ATP8A2: variants seen among roughly 807,000 people sequenced by gnomAD.
ATP8A2 encodes phospholipid-transporting ATPase IB.
A neutral mutation model predicts 165.6 loss-of-function variants in ATP8A2; 100 were observed. The observed-to-expected ratio is 0.60, with a 90% CI of 0.51 to 0.71. ATP8A2 has a LOEUF of 0.71. ATP8A2 is among the 30% of genes least tolerant of loss of function. The pLI, the probability that ATP8A2 is intolerant of heterozygous loss-of-function variation, is 0.00. For synonymous variants in ATP8A2, 543 were observed against 548.8 expected (o/e 0.99, Z 0.15); for missense variants, 1,227 against 1,479.5 (o/e 0.83, Z 2.80).
At chr13:25,395,497 C>T (rs1328919735) in intron 1 of ATP8A2, among the ~76,000 whole-genome samples, 2 of 152,048 alleles carry the variant, frequency 1.3e-5, no homozygotes, top group Non-Finnish European at 2.9e-5. Context: ...TGGGAGCCTT[C>T]AGAATAAAGA....
intron 1 of ATP8A2, among the ~76,000 whole-genome samples, chr13:25,378,119 GA>G (rs963698828): frequency 2.9e-4 from 41 of 143,076 alleles, no homozygotes; most frequent in East Asian, 1.0e-3. Flanking sequence ...TTCCTCTAAA[GA>G]AAAAAAAAAA....
intron 35 of ATP8A2, among the ~76,000 whole-genome samples, chr13:25,983,216 A>G (rs780448458): frequency 1.3e-5 from 2 of 152,210 alleles, no homozygotes; most frequent in African/African-American, 2.4e-5. Flanking sequence ...ATAATTTTAC[A>G]TTCCTAAAAC....
intron 24 of ATP8A2, among the ~76,000 whole-genome samples, chr13:25,690,746 G>A (rs1045329525): frequency 6.6e-6 from 1 of 152,160 alleles, no homozygotes; most frequent in Non-Finnish European, 1.5e-5. Context: ...AGTGACTCAG[G>A]CACTTTGGAA....
Position 25,398,884 on chromosome 13 carries a change from G to T in ATP8A2, c.76+26596G>T, listed in dbSNP as rs895662610. Among the ~76,000 whole-genome samples the T allele has an allele frequency of 4.7e-5, 7 of 148,426 alleles. No homozygotes were observed. The Admixed American group carries it at 4.8e-4, about 10-fold the overall frequency. On this transcript the variant is annotated intron_variant, in intron 1 of 36. Transcript: ENST00000381655. ...AAAAGGGTGCTGTCTGCCGTAAAAT[G>T]TTCATCCATAACTGAAGTAATGCAT...
chr13:25,927,197 G>T (rs761844251), intron 33 of ATP8A2: 2 of 456,646 alleles, frequency 4.4e-6, no homozygotes, highest in East Asian at 1.4e-4. Context: ...CCTGTGCCCC[G>T]GAGCCCCACT....
At chr13:25,564,361 C>T (rs776612108) in intron 16 of ATP8A2, among the ~76,000 whole-genome samples, 2 of 152,052 alleles carry the variant, frequency 1.3e-5, no homozygotes, top group Non-Finnish European at 2.9e-5. Context: ...TCTAAGAGGC[C>T]AAGTGTAATT....
At chr13:25,512,405 C>G (rs1023986500) in intron 2 of ATP8A2, among the ~76,000 whole-genome samples, 1 of 152,122 alleles carries the variant, frequency 6.6e-6, no homozygotes, top group South Asian at 2.1e-4. Context: ...GTACACCTCC[C>G]AGACGGGGTG....
chr13:25,537,582 CA>C (rs969449466), intron 6 of ATP8A2, among the ~76,000 whole-genome samples: 35 of 152,248 alleles, frequency 2.3e-4, no homozygotes, highest in African/African-American at 8.2e-4. Context: ...CACAGCTCAT[CA>C]GGGGTGCAGT....
chr13:25,751,919 T>G (rs1324484204), intron 25 of ATP8A2, among the ~76,000 whole-genome samples: 1 of 150,370 alleles, frequency 6.7e-6, no homozygotes, highest in African/African-American at 2.5e-5. Context: ...ACATCTAGTA[T>G]GTGTCTAAAA....
At position 25,958,301 on chromosome 13, in the gene ATP8A2, TA is replaced by T. The variant is rs369653808; in HGVS notation, c.3184-3262del. 1.9e-4 allele frequency among the ~76,000 whole-genome samples: 29 copies of T among 150,214 alleles called. No homozygotes were observed. The East Asian group carries it at 2.6e-3, about 13-fold the overall frequency. ...GTATCCCAGAACTTAAGGTATAATT[TA>T]AAAAAAAAAAATTAACCTTTTCTAG... On this transcript the variant is annotated intron_variant, in intron 33 of 36. Coordinates refer to ENST00000381655, the MANE Select transcript of ATP8A2 (RefSeq NM_016529.6).
chr13:25,889,245 C>CATATATATATATATATATATATATAT lies in ATP8A2; in HGVS notation c.3183+26841_3183+26866dup, dbSNP rs200723564. Among the ~76,000 whole-genome samples the CATATATATATATATATATATATATAT allele has an allele frequency of 4.9e-4, 54 of 109,910 alleles. 1 individual carries two copies. The highest frequency in any genetic ancestry group is 8.1e-4 in the Admixed American group (8 of 9,902). 72.1% of individuals were successfully genotyped at this position (109,910 alleles called of 152,430 possible). A position where few individuals can be genotyped will look rare whatever the true frequency, so the allele number is the denominator to read the frequency against. ...TTAAATTTGTTTGCTCATCCTTTGT[C>CATATATATATATATATATATATATAT]ATATATATATATATATATATATATA... On this transcript the variant is annotated intron_variant, in intron 33 of 36. Coordinates refer to ENST00000381655, the MANE Select transcript of ATP8A2 (RefSeq NM_016529.6).
At chr13:25,393,082 C>T (rs188030459) in intron 1 of ATP8A2, among the ~76,000 whole-genome samples, 1 of 151,278 alleles carries the variant, frequency 6.6e-6, no homozygotes, top group African/African-American at 2.4e-5. Flanking sequence ...ATCTGTACCA[C>T]TTTTTAGTTC....
chr13:25,783,690 G>T (rs953094482), intron 27 of ATP8A2, among the ~76,000 whole-genome samples: 1 of 152,132 alleles, frequency 6.6e-6, no homozygotes, highest in Non-Finnish European at 1.5e-5. Context: ...GGGGTGGGAG[G>T]AGAGGGTCAG....
intron 24 of ATP8A2, among the ~76,000 whole-genome samples, chr13:25,608,882 C>T (rs1201539666): frequency 6.6e-6 from 1 of 152,138 alleles, no homozygotes; most frequent in Non-Finnish European, 1.5e-5. Context: ...TCAAAAAGGT[C>T]ATCATACAAA....
intron 24 of ATP8A2, among the ~76,000 whole-genome samples, chr13:25,629,390 TTTC>T (rs1427775017): frequency 3.9e-5 from 6 of 152,178 alleles, no homozygotes; most frequent in African/African-American, 1.4e-4. Context: ...TTAAGTCTAT[TTTC>T]TTGGTATGAA....
intron 33 of ATP8A2, among the ~76,000 whole-genome samples, chr13:25,892,401 C>T (rs1392615013): frequency 1.3e-5 from 2 of 151,728 alleles, no homozygotes; most frequent in African/African-American, 4.9e-5. Context: ...GTGGAATTTA[C>T]TTGATGCCTG....
intron 24 of ATP8A2, among the ~76,000 whole-genome samples, chr13:25,689,381 T>G (rs79906891): frequency 2.5e-3 from 377 of 152,310 alleles, no homozygotes; most frequent in African/African-American, 8.8e-3. Flanking sequence ...TTTGGTAAAA[T>G]TTACCTGATA....
Position 25,887,499 on chromosome 13 carries a change from C to T in ATP8A2, c.3183+25091C>T, listed in dbSNP as rs149624987. ...GATTACAGGCGTCGGCCACCATGCCCGGCTAATTTTTGTGTTTTTAGTAGA... is the reference window on the plus strand; with the variant it reads ...GATTACAGGCGTCGGCCACCATGCCTGGCTAATTTTTGTGTTTTTAGTAGA... On this transcript the variant is annotated intron_variant, in intron 33 of 36. Transcript: ENST00000381655. 2.1e-3 allele frequency among the ~76,000 whole-genome samples: 323 copies of T among 152,158 alleles called. 2 individuals carry two copies. Among genetic ancestry groups the T allele is most frequent in the African/African-American group, 7.3e-3 (303 of 41,528 alleles).
At chr13:25,642,296 C>G (rs2041547069) in intron 24 of ATP8A2, among the ~76,000 whole-genome samples, 1 of 152,098 alleles carries the variant, frequency 6.6e-6, no homozygotes, top group Non-Finnish European at 1.5e-5. Flanking sequence ...AAGAAACTAC[C>G]ATCAGAGTGA....
Sources: gnomAD v4.1 joint callset for allele counts (sites outside exome capture counted in the v4.1 genomes callset) on GRCh38, gnomAD v4.1.1 for gene constraint, MANE v1.5 for transcripts, NCBI Gene and HGNC (gene_info 2026-07-23, HGNC 2026-07-21) for gene names.